Variants in IGF1R observed in about 807,000 individuals in gnomAD.
IGF1R encodes the protein insulin-like growth factor 1 receptor.
Under a neutral mutation model 144.6 loss-of-function variants are expected in IGF1R, and 44 were observed. The observed-to-expected ratio is 0.30, with a 90% CI of 0.24 to 0.39. The LOEUF is 0.39. Ranked by LOEUF, IGF1R falls within the 10% of genes least tolerant of loss-of-function variation. The pLI is 1.00. For missense variants in IGF1R, 1,355 were observed against 1,833.7 expected (o/e 0.74, Z 4.77); for synonymous variants, 795 against 722.8 (o/e 1.10, Z -1.60).
At chr15:98,888,466 T>TGTGTGTGTGTGTGTG in intron 2 of IGF1R, among the ~76,000 whole-genome samples, 3 of 151,854 alleles carry the variant, frequency 2.0e-5, no homozygotes, top group African/African-American at 7.3e-5. Context: ...TGTGTGTGTG[T>TGTGTGTGTGTGTGTG]TTACAGAAAA....
chr15:98,809,876 G>GA (rs2056548199), intron 2 of IGF1R, among the ~76,000 whole-genome samples: 1 of 152,118 alleles, frequency 6.6e-6, no homozygotes, highest in Admixed American at 6.5e-5. Context: ...ATGATAGAAT[G>GA]AAAGCCCACT....
intron 1 of IGF1R, among the ~76,000 whole-genome samples, chr15:98,679,802 G>A (rs2053142896): frequency 6.6e-6 from 1 of 152,174 alleles, no homozygotes; most frequent in Non-Finnish European, 1.5e-5. Flanking sequence ...GGAGCTGATG[G>A]CTCCGCCTGG....
At chr15:98,804,982 C>T (rs567193258) in intron 2 of IGF1R, among the ~76,000 whole-genome samples, 1 of 152,256 alleles carries the variant, frequency 6.6e-6, no homozygotes, top group South Asian at 2.1e-4. Flanking sequence ...AGGCATGAGC[C>T]GCCACTCCCG....
rs138949122 is a variant in IGF1R, at chr15:98,961,058, C to G, written c.*3616C>G. 5.6e-4 allele frequency: 131 copies of G among 233,628 alleles called. 1 individual carries two copies. In the East Asian group the frequency reaches 7.8e-3, roughly 14 times the overall value. The allele number at this position is 233,628 out of a possible 1,614,324, so 14.5% of individuals were successfully genotyped here. The stretch of plus-strand genomic sequence containing the variant: ...CTTTGCCTAAGCGTGGATGGCTCCT[C>G]GGCAATTCCAGCCTAAGTGAAGGCG... On this transcript the variant is annotated 3_prime_UTR_variant, in exon 21 of 21. Transcript: ENST00000650285.
At chr15:98,725,950 C>T (rs937670532) in intron 2 of IGF1R, among the ~76,000 whole-genome samples, 49 of 152,196 alleles carry the variant, frequency 3.2e-4, no homozygotes, top group African/African-American at 1.1e-3. Flanking sequence ...TCAATTACCT[C>T]ACCTGGGTCC....
At chr15:98,949,741 T>C (rs1302434082) in intron 20 of IGF1R, among the ~76,000 whole-genome samples, 3 of 152,254 alleles carry the variant, frequency 2.0e-5, no homozygotes, top group African/African-American at 7.2e-5. Context: ...AGAGAGAGTT[T>C]GTGATGCCTC....
At chr15:98,650,577 C>G (rs1286169558) in intron 1 of IGF1R, among the ~76,000 whole-genome samples, 1 of 152,196 alleles carries the variant, frequency 6.6e-6, no homozygotes, top group Non-Finnish European at 1.5e-5. Context: ...TGGTCGGAGC[C>G]GACGTGCATT....
chr15:98,762,051 T>G (rs896683820), intron 2 of IGF1R, among the ~76,000 whole-genome samples: 3 of 152,328 alleles, frequency 2.0e-5, no homozygotes, highest in African/African-American at 7.2e-5. Flanking sequence ...GGGGCCTGTA[T>G]GATGTTCGTT....
At chr15:98,687,376 G>C (rs7181350) in intron 1 of IGF1R, among the ~76,000 whole-genome samples, 19,410 of 152,220 alleles carry the variant, frequency 0.13, 2,475 homozygotes, top group African/African-American at 0.33. Flanking sequence ...CTGCTGGGAA[G>C]CATGTGTACT....
chr15:98,794,488 TA>T lies in IGF1R; in HGVS notation c.640+86383del, dbSNP rs1325257594. On this transcript the variant is annotated intron_variant, in intron 2 of 20. Coordinates refer to ENST00000650285, the MANE Select transcript of IGF1R (RefSeq NM_000875.5). ...AACTGCGCCTTCCATGTAGCTCAGTTAACAGCATCATGATTCTCCAGGATGG... is the reference window on the plus strand; with the variant it reads ...AACTGCGCCTTCCATGTAGCTCAGTTACAGCATCATGATTCTCCAGGATGG... Among the ~76,000 whole-genome samples, 3 of 152,310 alleles carry T rather than the reference TA, an allele frequency of 2.0e-5. No homozygotes were observed. In the Middle Eastern group the frequency reaches 0.01, roughly 518 times the overall value.
At chr15:98,749,915 G>A (rs1249792997) in intron 2 of IGF1R, among the ~76,000 whole-genome samples, 8 of 138,926 alleles carry the variant, frequency 5.8e-5, no homozygotes, top group African/African-American at 8.1e-5. Flanking sequence ...CTTAAAAAAA[G>A]AATCTGTTCT....
At chr15:98,871,291 G>T (rs1045713130) in intron 2 of IGF1R, among the ~76,000 whole-genome samples, 1 of 152,178 alleles carries the variant, frequency 6.6e-6, no homozygotes, top group African/African-American at 2.4e-5. Context: ...GAATTGTTTA[G>T]CATCGTCCAT....
chr15:98,862,946 A>G (rs1031802876), intron 2 of IGF1R, among the ~76,000 whole-genome samples: 18 of 152,202 alleles, frequency 1.2e-4, no homozygotes, highest in African/African-American at 4.1e-4. Flanking sequence ...TGTTCACTCC[A>G]TACTCCAGTG....
Position 98,908,697 on chromosome 15 carries a change from C to T in IGF1R, c.1260C>T (p.Phe420=). Residue 420 remains phenylalanine (F), a synonymous_variant, in exon 6 of 21, where the codon TTC becomes TTT. Transcript: ENST00000650285. ...GEEQLEGNYS[F]YVLDNQNLQQ... ...TCTGTGCTTCTAGGAATTACTCCTT[C>T]TACGTCCTCGACAACCAGAACTTGC... 1 of 1,613,938 alleles carries T rather than the reference C, an allele frequency of 6.2e-7. No individual in the cohort carries two copies. The highest frequency in any genetic ancestry group is 1.3e-5 in the African/African-American group (1 of 75,050).
intron 2 of IGF1R, among the ~76,000 whole-genome samples, chr15:98,813,418 C>G (rs1271920630): frequency 6.6e-6 from 1 of 152,188 alleles, no homozygotes; most frequent in Non-Finnish European, 1.5e-5. Context: ...CAGAGCCTGT[C>G]AGAATTACTC....
intron 2 of IGF1R, among the ~76,000 whole-genome samples, chr15:98,852,626 G>GTGGAGGAGC (rs1374003630): frequency 6.6e-6 from 1 of 152,184 alleles, no homozygotes; most frequent in African/African-American, 2.4e-5. Flanking sequence ...CGGGTGGAGG[G>GTGGAGGAGC]TGGAGGAGCC....
intron 1 of IGF1R, among the ~76,000 whole-genome samples, chr15:98,665,048 C>A (rs565756384): frequency 1.3e-5 from 2 of 151,162 alleles, no homozygotes; most frequent in East Asian, 3.9e-4. Context: ...AGCTCCACCT[C>A]CCGGGTTCAC....
In IGF1R at chr15:98,669,957, T is replaced by C. The variant is rs73473441; in HGVS notation, c.94+20282T>C. Among the ~76,000 whole-genome samples, 1,044 of 152,186 alleles carry C rather than the reference T, an allele frequency of 6.9e-3. 7 individuals are homozygous for C. Among genetic ancestry groups the C allele is most frequent in the African/African-American group, 0.024 (995 of 41,516 alleles). ...AGAGTGGGGGTGACTGGTGTTGCTT[T>C]TACTCTAGAGCAGAGGAGGCAGATG... On this transcript the variant is annotated intron_variant, in intron 1 of 20. Coordinates refer to ENST00000650285, the MANE Select transcript of IGF1R (RefSeq NM_000875.5).
chr15:98,716,115 T>C (rs2141272915), intron 2 of IGF1R, among the ~76,000 whole-genome samples: 1 of 152,246 alleles, frequency 6.6e-6, no homozygotes, highest in Non-Finnish European at 1.5e-5. Flanking sequence ...AGCAGTGCCT[T>C]TCCTAGGGAC....
Sources: allele counts gnomAD v4.1 joint callset (sites outside exome capture counted in the v4.1 genomes callset), GRCh38; gene constraint gnomAD v4.1.1; transcripts MANE v1.5; gene names NCBI Gene and HGNC (gene_info 2026-07-23, HGNC 2026-07-21).